The following SLC25A26 variants were observed in gnomAD, a reference collection of about 807,000 sequenced individuals.
The protein encoded by SLC25A26 is solute carrier family 25 member 26.
SLC25A26 carries 36 observed loss-of-function variants against 37.8 expected under a neutral mutation model. The ratio of observed to expected loss-of-function variants is 0.95; its 90% CI spans 0.73 to 1.26. SLC25A26 has a LOEUF of 1.26. SLC25A26 is among the 50% of genes most tolerant of loss of function. SLC25A26 has a pLI of 0.00. For missense variants in SLC25A26, 390 were observed against 331.1 expected (o/e 1.18, Z -1.38); for synonymous variants, 129 against 122.5 (o/e 1.05, Z -0.35).
intron 1 of SLC25A26, among the ~76,000 whole-genome samples, chr3:66,143,265 C>A (rs907827289): frequency 1.3e-5 from 2 of 151,846 alleles, no homozygotes; most frequent in African/African-American, 4.8e-5. Context: ...TTGTTTCTAC[C>A]TTTTGGCTAT....
At chr3:66,306,389 G>GT (rs1169964523) in intron 5 of SLC25A26, among the ~76,000 whole-genome samples, 1 of 151,862 alleles carries the variant, frequency 6.6e-6, no homozygotes, top group Non-Finnish European at 1.5e-5. Context: ...TTTTTCTTAT[G>GT]TTTGTTGGCT....
chr3:66,279,920 A>G (rs568696239), intron 5 of SLC25A26, among the ~76,000 whole-genome samples: 1 of 152,310 alleles, frequency 6.6e-6, no homozygotes, highest in East Asian at 1.9e-4. Context: ...GACAAAATTT[A>G]TTATCCTTCA....
intron 1 of SLC25A26, among the ~76,000 whole-genome samples, chr3:66,162,700 C>T (rs2070377393): frequency 6.6e-6 from 1 of 152,210 alleles, no homozygotes; most frequent in African/African-American, 2.4e-5. Context: ...CTAAAGACCA[C>T]TGCTGGGCGC....
At position 66,378,825 on chromosome 3, in the gene SLC25A26, G is replaced by C. The variant is rs901758970; in HGVS notation, c.*1018G>C. On this transcript the variant is annotated 3_prime_UTR_variant, in exon 10 of 10. Coordinates refer to ENST00000354883, the MANE Select transcript of SLC25A26 (RefSeq NM_001379210.1). ...CATTTATAAATGAACCTTTATTAAAGACACTTCAATGCCATTTGTTAGACA... is the reference window on the plus strand; with the variant it reads ...CATTTATAAATGAACCTTTATTAAACACACTTCAATGCCATTTGTTAGACA... The C allele has an allele frequency of 1.3e-5, 2 of 152,424 alleles. No individual in the cohort carries two copies. Among genetic ancestry groups the C allele is most frequent in the Admixed American group, 6.6e-5 (1 of 15,262 alleles). 9.4% of individuals were successfully genotyped at this position (152,424 alleles called of 1,614,324 possible). A position where few individuals can be genotyped will look rare whatever the true frequency, so the allele number is the denominator to read the frequency against.
intron 1 of SLC25A26, among the ~76,000 whole-genome samples, chr3:66,226,192 A>G (rs2071742156): frequency 6.6e-6 from 1 of 152,190 alleles, no homozygotes; most frequent in Non-Finnish European, 1.5e-5. Flanking sequence ...ACAGTTCCAC[A>G]TGGCTGGCAG....
intron 5 of SLC25A26, among the ~76,000 whole-genome samples, chr3:66,306,837 C>T (rs1384371039): frequency 6.6e-6 from 1 of 152,202 alleles, no homozygotes; most frequent in East Asian, 1.9e-4. Flanking sequence ...GACATGAACT[C>T]ATACTTTTTT....
rs1013161450 is a variant in SLC25A26 at position 66,198,409 on chromosome 3, T to C, written c.-353-22333T>C. Among the ~76,000 whole-genome samples, 221 of 152,190 alleles carry C rather than the reference T, an allele frequency of 1.5e-3. 1 individual carries two copies. The highest frequency in any genetic ancestry group is 2.5e-3 in the Non-Finnish European group (173 of 68,002). ...GGGACATAGTGGTCATATGTCCATTTACTCTTGACCCTCATGTGCGTCTGA... is the reference window on the plus strand; with the variant it reads ...GGGACATAGTGGTCATATGTCCATTCACTCTTGACCCTCATGTGCGTCTGA... On this transcript the variant is annotated intron_variant, in intron 1 of 10. Transcript: ENST00000676754.
chr3:66,325,751 C>A (rs975781389), intron 5 of SLC25A26, among the ~76,000 whole-genome samples: 2 of 152,134 alleles, frequency 1.3e-5, no homozygotes, highest in Non-Finnish European at 2.9e-5. Flanking sequence ...AATGAGCCAG[C>A]GCATGCAGGG....
chr3:66,271,602 T>C (rs1361733469), intron 5 of SLC25A26, among the ~76,000 whole-genome samples: 1 of 152,110 alleles, frequency 6.6e-6, no homozygotes, highest in East Asian at 1.9e-4. Flanking sequence ...GTTGAGTATG[T>C]AGCTTTTCAC....
intron 5 of SLC25A26, among the ~76,000 whole-genome samples, chr3:66,294,548 T>C (rs1270122125): frequency 3.3e-5 from 5 of 152,196 alleles, no homozygotes; most frequent in Non-Finnish European, 7.3e-5. Flanking sequence ...GTTTATTTAT[T>C]TATTTCATGC....
chr3:66,167,342 A>C (rs1007099711), intron 1 of SLC25A26, among the ~76,000 whole-genome samples: 2 of 152,234 alleles, frequency 1.3e-5, no homozygotes, highest in Admixed American at 1.3e-4. Flanking sequence ...CTGCAACAGG[A>C]GAAAATGACA....
chr3:66,281,452 A>G (rs1181318961), intron 5 of SLC25A26, among the ~76,000 whole-genome samples: 2 of 152,030 alleles, frequency 1.3e-5, no homozygotes, highest in African/African-American at 4.8e-5. Flanking sequence ...CAAAATAATG[A>G]TTTTCCTAAT....
intron 1 of SLC25A26, among the ~76,000 whole-genome samples, chr3:66,231,252 G>T (rs1183424204): frequency 6.6e-6 from 1 of 152,154 alleles, no homozygotes; most frequent in Non-Finnish European, 1.5e-5. Context: ...TCTATAGAGG[G>T]TGAAGCTTCA....
intron 3 of SLC25A26, among the ~76,000 whole-genome samples, chr3:66,245,923 C>A (rs1337993856): frequency 6.6e-6 from 1 of 152,180 alleles, no homozygotes; most frequent in Non-Finnish European, 1.5e-5. Context: ...TTTAAAACAT[C>A]TCTCCCCAAA....
intron 6 of SLC25A26, among the ~76,000 whole-genome samples, chr3:66,362,396 C>T (rs1265506544): frequency 2.0e-5 from 3 of 147,728 alleles, no homozygotes; most frequent in South Asian, 2.2e-4. Flanking sequence ...GGGTGAATCA[C>T]GAAATAATTC....
intron 5 of SLC25A26, among the ~76,000 whole-genome samples, chr3:66,297,064 C>G (rs187760559): frequency 9.8e-5 from 15 of 152,288 alleles, no homozygotes; most frequent in Admixed American, 9.2e-4. Flanking sequence ...GTGGCTCACG[C>G]CTGTAATCCC....
At chr3:66,369,791 A>G (rs1287798215) in intron 8 of SLC25A26, among the ~76,000 whole-genome samples, 2 of 152,192 alleles carry the variant, frequency 1.3e-5, no homozygotes, top group Non-Finnish European at 2.9e-5. Context: ...ACCATCTTCA[A>G]ATAAACTCTG....
At chr3:66,144,225 A>G (rs1009774153) in intron 1 of SLC25A26, among the ~76,000 whole-genome samples, 1 of 152,182 alleles carries the variant, frequency 6.6e-6, no homozygotes. Flanking sequence ...GACTGAGCCA[A>G]GACTGCAAGC....
chr3:66,257,810 C>T (rs556253941), intron 3 of SLC25A26, among the ~76,000 whole-genome samples: 58 of 152,268 alleles, frequency 3.8e-4, no homozygotes, highest in African/African-American at 1.4e-3. Flanking sequence ...ACTTGCTCAT[C>T]TCCCTCAATC....
Sources: gnomAD v4.1 joint callset for allele counts (sites outside exome capture counted in the v4.1 genomes callset) on GRCh38, gnomAD v4.1.1 for gene constraint, MANE v1.5 for transcripts, NCBI Gene and HGNC (gene_info 2026-07-23, HGNC 2026-07-21) for gene names.